KDM4C: variants seen among roughly 807,000 people sequenced by gnomAD.
KDM4C encodes the protein lysine-specific demethylase 4C.
A neutral mutation model predicts 129.3 loss-of-function variants in KDM4C; 81 were observed. The ratio of observed to expected loss-of-function variants is 0.63; its 90% CI spans 0.52 to 0.75. KDM4C has a LOEUF of 0.75. Among genes scored for constraint, KDM4C ranks in the 30% least tolerant of loss-of-function variants. The pLI, the probability that KDM4C is intolerant of heterozygous loss-of-function variation, is 0.00. For missense variants in KDM4C, 1,457 were observed against 1,304.0 expected, an observed-to-expected ratio of 1.12 and a Z score of -1.81; for synonymous variants, 573 against 456.1, an observed-to-expected ratio of 1.26 and a Z score of -3.26.
chr9:7,011,590 C>A (rs1490103743), intron 12 of KDM4C, 108 bp from the exon 13 acceptor site: 1 of 1,011,980 alleles, frequency 9.9e-7, no homozygotes. Flanking sequence ...GGTTTGGTTT[C>A]CGGCCTTAAT....
intron 15 of KDM4C, among the ~76,000 whole-genome samples, chr9:7,024,289 G>GTTT (rs61133083): frequency 0.017 from 2,259 of 132,348 alleles, 24 homozygotes; most frequent in African/African-American, 0.022. Context: ...TAATGTTTTC[G>GTTT]TTTTTTTTTT....
intron 12 of KDM4C, among the ~76,000 whole-genome samples, chr9:6,997,317 G>C (rs1382823236): frequency 6.6e-6 from 1 of 152,174 alleles, no homozygotes; most frequent in Admixed American, 6.5e-5. Context: ...CAGACATGCG[G>C]AGCTGGAGCC....
At chr9:6,754,529 T>C (rs1438337474), upstream of KDM4C, among the ~76,000 whole-genome samples, 2 of 152,092 alleles carry the variant, frequency 1.3e-5, no homozygotes, top group Non-Finnish European at 2.9e-5. Context: ...TTTATATTTG[T>C]AAAAAGTGTA....
chr9:7,157,792 C>G (rs933436139), intron 19 of KDM4C, among the ~76,000 whole-genome samples: 5 of 152,202 alleles, frequency 3.3e-5, no homozygotes, highest in Non-Finnish European at 7.3e-5. Flanking sequence ...CAGTGCTCAT[C>G]AGGGATATTG....
At chr9:6,765,414 A>C (rs535915278) in intron 1 of KDM4C, among the ~76,000 whole-genome samples, 1 of 152,256 alleles carries the variant, frequency 6.6e-6, no homozygotes, top group Non-Finnish European at 1.5e-5. Flanking sequence ...TGATTAAATC[A>C]GCTTCCCTAA....
intron 1 of KDM4C, among the ~76,000 whole-genome samples, chr9:6,723,323 C>T (rs1240072646): frequency 6.6e-6 from 1 of 152,050 alleles, no homozygotes; most frequent in South Asian, 2.1e-4. Context: ...TGCAGTGAGA[C>T]GAGGTCACGC....
intron 18 of KDM4C, among the ~76,000 whole-genome samples, chr9:7,109,706 C>T (rs7861396): frequency 0.33 from 50,829 of 152,062 alleles, 8,967 homozygotes; most frequent in Middle Eastern, 0.5. Context: ...GAGCCCATTG[C>T]GTACCAGTTG....
intron 21 of KDM4C, among the ~76,000 whole-genome samples, chr9:7,173,733 T>A (rs1845184991): frequency 1.3e-5 from 2 of 152,160 alleles, no homozygotes; most frequent in African/African-American, 2.4e-5. Flanking sequence ...TTTTATGGAA[T>A]GTAGGAAGGA....
intron 19 of KDM4C, among the ~76,000 whole-genome samples, chr9:7,159,148 T>C (rs994363769): frequency 2.6e-5 from 4 of 151,868 alleles, no homozygotes; most frequent in Non-Finnish European, 5.9e-5. Context: ...TTAACCAGGA[T>C]TGCAATCCCT....
intron 5 of KDM4C, among the ~76,000 whole-genome samples, chr9:6,867,017 A>ATTTTTTTTTTTT (rs139668753): frequency 4.1e-4 from 34 of 83,768 alleles, no homozygotes; most frequent in African/African-American, 1.5e-3. Flanking sequence ...ATATATATAT[A>ATTTTTTTTTTTT]TTTTTTTTTT....
At chr9:6,882,919 G>A (rs1470114358) in intron 6 of KDM4C, among the ~76,000 whole-genome samples, 3 of 152,094 alleles carry the variant, frequency 2.0e-5, no homozygotes, top group Non-Finnish European at 2.9e-5. Flanking sequence ...CTGTGCCAGG[G>A]GGTAGATAAA....
At chr9:6,953,119 TA>T (rs930516405) in intron 8 of KDM4C, among the ~76,000 whole-genome samples, 1 of 152,250 alleles carries the variant, frequency 6.6e-6, no homozygotes, top group African/African-American at 2.4e-5. Context: ...CGTTTCTCTG[TA>T]AAATAGCTGG....
At chr9:6,804,321 A>T (rs971007967) in intron 2 of KDM4C, among the ~76,000 whole-genome samples, 1 of 152,200 alleles carries the variant, frequency 6.6e-6, no homozygotes, top group Non-Finnish European at 1.5e-5. Flanking sequence ...TGGTAGGTTC[A>T]GATTGGCCAT....
At chr9:6,807,531 G>A (rs1312859042) in intron 3 of KDM4C, among the ~76,000 whole-genome samples, 3 of 148,406 alleles carry the variant, frequency 2.0e-5, no homozygotes, top group Admixed American at 6.7e-5. Flanking sequence ...CCTCTGCCCC[G>A]CCGCCCCATC....
chr9:6,721,065 C>A, intron 1 of KDM4C: 1 of 1,346,172 alleles, frequency 7.4e-7, no homozygotes, highest in Non-Finnish European at 1.0e-6. Flanking sequence ...ACACTTAAAG[C>A]AATGTTAATT....
chr9:6,835,064 A>T (rs1190367578), intron 4 of KDM4C: 3 of 959,912 alleles, frequency 3.1e-6, no homozygotes, highest in East Asian at 4.8e-5. Flanking sequence ...ACCACGGCTG[A>T]GTGGGATATC....
chr9:6,842,687 T>G (rs6477116), intron 4 of KDM4C, among the ~76,000 whole-genome samples: 36,055 of 151,910 alleles, frequency 0.24, 4,358 homozygotes, highest in African/African-American at 0.28. Context: ...TTGGGATTTG[T>G]GGCTTAAAAA....
chr9:7,013,745 T>G, intron 13 of KDM4C, 43 bp from the exon 14 acceptor site: 1 of 1,583,382 alleles, frequency 6.3e-7, no homozygotes. Flanking sequence ...TGATGAGCTC[T>G]TTTCCATGTT....
At chr9:6,971,921 G>A (rs1382909239) in intron 8 of KDM4C, among the ~76,000 whole-genome samples, 1 of 152,116 alleles carries the variant, frequency 6.6e-6, no homozygotes, top group Non-Finnish European at 1.5e-5. Flanking sequence ...TAGTGGGCTA[G>A]CCATCATTCA....
Sources: gnomAD v4.1 joint callset for allele counts (sites outside exome capture counted in the v4.1 genomes callset) on GRCh38, gnomAD v4.1.1 for gene constraint, MANE v1.5 for transcripts, NCBI Gene and HGNC (gene_info 2026-07-23, HGNC 2026-07-21) for gene names.